Variants in GAB1 observed in about 807,000 individuals in gnomAD.
The protein encoded by GAB1 is GRB2 associated binding protein 1, also known as GRB2-associated-binding protein 1.
Under a neutral mutation model 66.5 loss-of-function variants are expected in GAB1, and 19 were observed. The ratio of observed to expected loss-of-function variants is 0.29; its 90% CI spans 0.20 to 0.42. GAB1 has a LOEUF of 0.42. Ranked by LOEUF, GAB1 falls within the 10% of genes least tolerant of loss-of-function variation. The pLI, the probability that GAB1 is intolerant of heterozygous loss-of-function variation, is 1.00. For missense variants in GAB1, 732 were observed against 858.5 expected, an observed-to-expected ratio of 0.85 and a Z score of 1.84; for synonymous variants, 294 against 301.4, an observed-to-expected ratio of 0.98 and a Z score of 0.25.
At position 143,467,338 on chromosome 4, in the gene GAB1, A is replaced by T. The variant is rs186506571; in HGVS notation, c.1926+1113A>T. Among the ~76,000 whole-genome samples, 114 of 152,336 alleles carry T rather than the reference A, an allele frequency of 7.5e-4. 1 individual carries two copies. Among genetic ancestry groups the T allele is most frequent in the Non-Finnish European group, 1.2e-3 (81 of 68,030 alleles). ...TGTATCTTTGGTATTCTACAGGTTCACTACAATACGTCTAGACATAGATTC... is the reference window on the plus strand; with the variant it reads ...TGTATCTTTGGTATTCTACAGGTTCTCTACAATACGTCTAGACATAGATTC... On this transcript the variant is annotated intron_variant, in intron 9 of 9. Coordinates refer to ENST00000262994, the MANE Select transcript of GAB1 (RefSeq NM_002039.4).
In GAB1 at chr4:143,460,458, A is replaced by G; in HGVS notation, c.1774A>G (p.Met592Val). Reference protein sequence around the residue: ...SHDSEENYVPMNPNLSSEDPN... With the variant: ...SHDSEENYVPVNPNLSSEDPN... ...CGACAGTGAAGAGAATTATGTTCCCATGAACCCAAACCTGTCCAGTGAAGA... is the reference window on the plus strand; with the variant it reads ...CGACAGTGAAGAGAATTATGTTCCCGTGAACCCAAACCTGTCCAGTGAAGA... Residue 592 changes from methionine (M) to valine (V), a missense_variant, in exon 8 of 10, where the codon ATG (methionine) becomes GTG (valine). Physicochemically the swap from Met to Val is conservative, Grantham distance 21. This residue lies in a region of GAB1 where 204 missense variants were observed against 276.8 expected (regional missense o/e 0.74). Transcript: ENST00000262994. 1 of 1,613,956 alleles carries G rather than the reference A, an allele frequency of 6.2e-7. No homozygotes were observed. Among genetic ancestry groups the G allele is most frequent in the Non-Finnish European group, 8.5e-7 (1 of 1,179,850 alleles).
intron 1 of GAB1, among the ~76,000 whole-genome samples, chr4:143,398,875 C>T (rs773696708): frequency 6.6e-6 from 1 of 151,852 alleles, no homozygotes; most frequent in South Asian, 2.1e-4. Context: ...ACCTAGGCAA[C>T]ATGAGGAAAC....
At chr4:143,447,957 A>T (rs539379518) in intron 6 of GAB1, among the ~76,000 whole-genome samples, 5 of 152,260 alleles carry the variant, frequency 3.3e-5, no homozygotes, top group Admixed American at 2.6e-4. Context: ...TTTGAGATAC[A>T]TCCCATCAAT....
rs766219722 is a variant in GAB1 at position 143,415,459 on chromosome 4, T to G, written c.73-18T>G. ...ATCTCAAGTTAATACTGAATGGATA[T>G]TTTTGTTTTGTTTCTAGGCATGGAA... On this transcript the variant is annotated intron_variant, in intron 1 of 9. Transcript: ENST00000262994. The G allele has an allele frequency of 3.2e-6, 5 of 1,567,440 alleles. No individual in the cohort carries two copies. The highest frequency in any genetic ancestry group is 4.3e-6 in the Non-Finnish European group (5 of 1,154,214).
At position 143,438,227 on chromosome 4, in the gene GAB1, T is replaced by A; in HGVS notation, c.822T>A (p.Ser274=). 6.2e-7 allele frequency: 1 copy of A among 1,614,118 alleles called. No individual in the cohort carries two copies. Among genetic ancestry groups the A allele is most frequent in the South Asian group, 1.1e-5 (1 of 91,088 alleles). ...CCCATGATGTTTTACCAAAGGTGTCTCCATCAAGTACTGAAGCAGATGGAG... is the reference window on the plus strand; with the variant it reads ...CCCATGATGTTTTACCAAAGGTGTCACCATCAAGTACTGAAGCAGATGGAG... ...SYSHDVLPKV[S]PSSTEADGEL... is the part of the protein sequence containing the mutation. The change falls in exon 4 of 10, where the codon TCT becomes TCA. Residue 274 remains serine, a synonymous_variant. Transcript: ENST00000262994.
At chr4:143,452,371 G>C (rs1402724065) in intron 6 of GAB1, among the ~76,000 whole-genome samples, 1 of 152,144 alleles carries the variant, frequency 6.6e-6, no homozygotes, top group Non-Finnish European at 1.5e-5. Flanking sequence ...AAAGCAAAGG[G>C]AGGGTATGAA....
chr4:143,419,425 T>C (rs760321152), intron 2 of GAB1, among the ~76,000 whole-genome samples: 8 of 152,130 alleles, frequency 5.3e-5, no homozygotes, highest in Non-Finnish European at 1.2e-4. Context: ...GAACTCCCAA[T>C]TCCTTACAAA....
intron 2 of GAB1, among the ~76,000 whole-genome samples, chr4:143,420,442 C>T (rs562992653): frequency 6.6e-6 from 1 of 152,066 alleles, no homozygotes; most frequent in Non-Finnish European, 1.5e-5. Context: ...TTTCCGCTGC[C>T]CCAGGTGACC....
At chr4:143,392,366 TG>T (rs1339224460) in intron 1 of GAB1, among the ~76,000 whole-genome samples, 1 of 152,196 alleles carries the variant, frequency 6.6e-6, no homozygotes, top group Non-Finnish European at 1.5e-5. Flanking sequence ...TATGATGTGG[TG>T]GAGTTGAAAG....
At chr4:143,349,096 C>T (rs1158194460) in intron 1 of GAB1, among the ~76,000 whole-genome samples, 2 of 152,206 alleles carry the variant, frequency 1.3e-5, no homozygotes, top group Non-Finnish European at 2.9e-5. Context: ...TTGCTTATTT[C>T]CCCTCCCATG....
In GAB1 at chr4:143,438,294, G is replaced by A; in HGVS notation, c.889G>A (p.Glu297Lys). ...FNTPSGTSSVETQMRHVSISY... is the reference protein window; with the variant it reads ...FNTPSGTSSVKTQMRHVSISY... Reference sequence around the variant, plus strand: ...TACCCCATCTGGGACATCGAGTGTAGAGACTCAAATGAGGCATGTATCTAT... The same window carrying A: ...TACCCCATCTGGGACATCGAGTGTAAAGACTCAAATGAGGCATGTATCTAT... The change falls in exon 4 of 10, where the codon GAG (glutamate) becomes AAG (lysine). Residue 297 changes from glutamate (E) to lysine (K), a missense_variant. Physicochemically the swap from Glu to Lys is moderately conservative, Grantham distance 56 (BLOSUM62 1). Around this residue, in one of 4 missense-constraint regions of GAB1, gnomAD observed 427 missense variants for 420.6 expected, o/e 1.02. Transcript: ENST00000262994. The A allele has an allele frequency of 6.2e-7, 1 of 1,613,966 alleles. No homozygotes were observed. Among genetic ancestry groups the A allele is most frequent in the East Asian group, 2.2e-5 (1 of 44,876 alleles).
intron 6 of GAB1, among the ~76,000 whole-genome samples, chr4:143,452,436 AT>A (rs1203349649): frequency 1.3e-5 from 2 of 152,004 alleles, no homozygotes; most frequent in Non-Finnish European, 2.9e-5. Context: ...GCGTGTTTTC[AT>A]TTTTTTCTTT....
chr4:143,433,712 A>G lies in GAB1; in HGVS notation c.589A>G (p.Thr197Ala), dbSNP rs1733796271. The change falls in exon 3 of 10, where the codon ACC becomes GCC. Residue 197 changes from threonine to alanine, a missense_variant. Physicochemically the swap from Thr to Ala is moderately conservative, Grantham distance 58. Around this residue, in one of 4 missense-constraint regions of GAB1, gnomAD observed 427 missense variants for 420.6 expected, o/e 1.02. Coordinates refer to ENST00000262994, the MANE Select transcript of GAB1 (RefSeq NM_002039.4). ...INCQSKKPEP[T>A]RTHADSAKST... ...CTGTCAAAGCAAGAAGCCCGAACCC[A>G]CCAGGTAAATTATATATGCCCATGT... 6.2e-7 allele frequency: 1 copy of G among 1,612,188 alleles called. No homozygotes were observed. The highest frequency in any genetic ancestry group is 8.5e-7 in the Non-Finnish European group (1 of 1,178,452).
At chr4:143,341,982 T>C (rs562557564) in intron 1 of GAB1, among the ~76,000 whole-genome samples, 2 of 152,248 alleles carry the variant, frequency 1.3e-5, no homozygotes, top group Non-Finnish European at 2.9e-5. Flanking sequence ...TAAGCATAAT[T>C]ATTCTATTGA....
chr4:143,419,115 G>A (rs571814545), intron 2 of GAB1, among the ~76,000 whole-genome samples: 1 of 152,054 alleles, frequency 6.6e-6, no homozygotes, highest in South Asian at 2.1e-4. Context: ...GCATCTAATG[G>A]GAGAGGAGTC....
At chr4:143,425,705 A>G in intron 2 of GAB1, 2 of 759,680 alleles carry the variant, frequency 2.6e-6, no homozygotes, top group South Asian at 2.7e-5. Context: ...CTGAAAAGGC[A>G]GTGACCAAGG....
chr4:143,454,030 A>G (rs1735058960), intron 6 of GAB1, among the ~76,000 whole-genome samples: 1 of 152,206 alleles, frequency 6.6e-6, no homozygotes, highest in African/African-American at 2.4e-5. Context: ...AATTAAAGTC[A>G]CTGATTGATA....
At chr4:143,467,158 A>G (rs1343264556) in intron 9 of GAB1, among the ~76,000 whole-genome samples, 1 of 152,168 alleles carries the variant, frequency 6.6e-6, no homozygotes, top group East Asian at 1.9e-4. Flanking sequence ...TCTTGAGTTT[A>G]CAGTTCTTGA....
rs187160364 is a variant in GAB1 at position 143,414,410 on chromosome 4, T to C, written c.73-1067T>C. On this transcript the variant is annotated intron_variant, in intron 1 of 9. Coordinates refer to ENST00000262994, the MANE Select transcript of GAB1 (RefSeq NM_002039.4). ...ATAATTTTTTAGGCTTCTCTAGGTA[T>C]AGTATTAAACTCAAAATTTACCAGA... 1.7e-3 allele frequency among the ~76,000 whole-genome samples: 255 copies of C among 152,308 alleles called. 3 individuals carry two copies. Among genetic ancestry groups the C allele is most frequent in the African/African-American group, 3.4e-3 (142 of 41,556 alleles).
Sources: allele counts gnomAD v4.1 joint callset (sites outside exome capture counted in the v4.1 genomes callset), GRCh38; gene constraint gnomAD v4.1.1; regional missense constraint gnomAD v4.1.1; transcripts MANE v1.5; gene names NCBI Gene and HGNC (gene_info 2026-07-23, HGNC 2026-07-21).